Variants in TMTC2 observed in about 807,000 individuals in gnomAD.
The protein encoded by TMTC2 is transmembrane O-mannosyltransferase targeting cadherins 2, also known as protein O-mannosyl-transferase TMTC2.
TMTC2 carries 43 observed loss-of-function variants against 82.4 expected under a neutral mutation model. The ratio of observed to expected loss-of-function variants is 0.52; its 90% CI spans 0.41 to 0.67. The LOEUF is 0.67. Among genes scored for constraint, TMTC2 ranks in the 30% least tolerant of loss-of-function variants. TMTC2 has a pLI of 0.00. For synonymous variants in TMTC2, 408 were observed against 381.9 expected, an observed-to-expected ratio of 1.07 and a Z score of -0.80; for missense variants, 919 against 1,012.4, an observed-to-expected ratio of 0.91 and a Z score of 1.25.
chr12:82,742,588 C>T (rs545841598), intron 1 of TMTC2, among the ~76,000 whole-genome samples: 16 of 151,290 alleles, frequency 1.1e-4, no homozygotes, highest in African/African-American at 3.9e-4. Flanking sequence ...GGCGCATTCT[C>T]GGCTCACCAC....
chr12:82,960,646 G>A (rs1319958796), intron 4 of TMTC2, among the ~76,000 whole-genome samples: 1 of 151,866 alleles, frequency 6.6e-6, no homozygotes, highest in Non-Finnish European at 1.5e-5. Context: ...GGGAGGAAAG[G>A]AGGAAGGGGA....
chr12:82,872,290 G>A (rs1434093267), intron 2 of TMTC2, among the ~76,000 whole-genome samples: 2 of 152,132 alleles, frequency 1.3e-5, no homozygotes, highest in Non-Finnish European at 2.9e-5. Context: ...CTGTGGCCTT[G>A]CGCTACATTT....
At chr12:82,883,610 A>G (rs559459327) in intron 2 of TMTC2, among the ~76,000 whole-genome samples, 134 of 152,310 alleles carry the variant, frequency 8.8e-4, no homozygotes, top group African/African-American at 3.2e-3. Context: ...AACGCATCTC[A>G]TAATAGCTGG....
chr12:82,696,282 G>T (rs555785685), intron 1 of TMTC2, among the ~76,000 whole-genome samples: 1 of 152,204 alleles, frequency 6.6e-6, no homozygotes, highest in African/African-American at 2.4e-5. Context: ...ACCTGAATTC[G>T]TTTGGTAAAC....
intron 9 of TMTC2, among the ~76,000 whole-genome samples, chr12:83,038,840 G>A (rs1434251608): frequency 6.8e-6 from 1 of 146,760 alleles, no homozygotes; most frequent in South Asian, 2.2e-4. Context: ...AAGGCTTAAT[G>A]TTTTCTATTT....
At chr12:82,990,634 C>T (rs1221853167) in intron 8 of TMTC2, among the ~76,000 whole-genome samples, 1 of 151,982 alleles carries the variant, frequency 6.6e-6, no homozygotes, top group Non-Finnish European at 1.5e-5. Context: ...TAGAATGACA[C>T]ATACATATGT....
At chr12:82,911,595 T>C (rs1874662303) in intron 3 of TMTC2, among the ~76,000 whole-genome samples, 1 of 152,076 alleles carries the variant, frequency 6.6e-6, no homozygotes, top group Non-Finnish European at 1.5e-5. Flanking sequence ...GCCGTATTCT[T>C]ATTTATTTTT....
chr12:83,030,964 A>C, intron 9 of TMTC2, 85 bp downstream of exon 9: 1 of 1,015,270 alleles, frequency 9.8e-7, no homozygotes, highest in Non-Finnish European at 1.5e-6. Flanking sequence ...GGCAAAGAAC[A>C]TTTTAAGAGG....
intron 11 of TMTC2, among the ~76,000 whole-genome samples, chr12:83,124,981 A>G (rs1459865288): frequency 6.6e-6 from 1 of 152,168 alleles, no homozygotes; most frequent in East Asian, 1.9e-4. Context: ...AAAATATGAA[A>G]CATATTGTTC....
chr12:82,829,455 C>T (rs994527131), intron 1 of TMTC2, among the ~76,000 whole-genome samples: 4 of 151,658 alleles, frequency 2.6e-5, no homozygotes, highest in South Asian at 2.1e-4. Flanking sequence ...AGTGGCTTTT[C>T]GTTTTCATTT....
intron 1 of TMTC2, among the ~76,000 whole-genome samples, chr12:82,736,914 C>T (rs1349253503): frequency 6.6e-6 from 1 of 152,150 alleles, no homozygotes; most frequent in Non-Finnish European, 1.5e-5. Flanking sequence ...TAATCCTTTT[C>T]TTCTGCCTTA....
chr12:82,960,520 A>G (rs994673585), intron 4 of TMTC2, among the ~76,000 whole-genome samples: 2 of 152,090 alleles, frequency 1.3e-5, no homozygotes, highest in Admixed American at 1.3e-4. Context: ...AGATTAATGC[A>G]GGAACAGAAA....
chr12:82,774,801 A>T (rs1178994689), intron 1 of TMTC2, among the ~76,000 whole-genome samples: 1 of 151,712 alleles, frequency 6.6e-6, no homozygotes, highest in Non-Finnish European at 1.5e-5. Flanking sequence ...TAAGGGCAAG[A>T]CCTGAAAGTT....
At chr12:82,858,820 A>G (rs773915802) in intron 2 of TMTC2, among the ~76,000 whole-genome samples, 2 of 152,214 alleles carry the variant, frequency 1.3e-5, no homozygotes, top group African/African-American at 4.8e-5. Flanking sequence ...TGAAAACAAC[A>G]TATGGTTTGA....
At chr12:82,725,583 T>C (rs1012510788) in intron 1 of TMTC2, among the ~76,000 whole-genome samples, 1 of 152,132 alleles carries the variant, frequency 6.6e-6, no homozygotes, top group Admixed American at 6.5e-5. Context: ...GAGCCAAATA[T>C]GAGTGACCAT....
chr12:82,771,005 G>A (rs1877274488), intron 1 of TMTC2, among the ~76,000 whole-genome samples: 2 of 152,020 alleles, frequency 1.3e-5, no homozygotes, highest in South Asian at 4.2e-4. Context: ...TCAGGAATTT[G>A]AGACCAGTCT....
At chr12:82,815,259 C>T (rs1222994682) in intron 1 of TMTC2, among the ~76,000 whole-genome samples, 5 of 150,750 alleles carry the variant, frequency 3.3e-5, no homozygotes, top group Middle Eastern at 3.2e-3. Context: ...CTCCGCCTCC[C>T]GAGTTCACGC....
intron 2 of TMTC2, among the ~76,000 whole-genome samples, chr12:82,860,511 TAACTC>T (rs2098047530): frequency 6.6e-6 from 1 of 152,206 alleles, no homozygotes; most frequent in South Asian, 2.1e-4. Flanking sequence ...AATAGAATCT[TAACTC>T]AACTTGGGCT....
At chr12:82,802,185 C>T (rs1027372338) in intron 1 of TMTC2, among the ~76,000 whole-genome samples, 2 of 152,138 alleles carry the variant, frequency 1.3e-5, no homozygotes, top group Non-Finnish European at 1.5e-5. Flanking sequence ...GCTAAGGCCC[C>T]GTGAGAAATC....
Sources: allele counts gnomAD v4.1 joint callset (sites outside exome capture counted in the v4.1 genomes callset), GRCh38; gene constraint gnomAD v4.1.1; transcripts MANE v1.5; gene names NCBI Gene and HGNC (gene_info 2026-07-23, HGNC 2026-07-21).